The following PCBD2 variants were observed in gnomAD, a reference collection of about 807,000 sequenced individuals.
The protein encoded by PCBD2 is pterin-4-alpha-carbinolamine dehydratase 2.
Under a neutral mutation model 16.4 loss-of-function variants are expected in PCBD2, and 12 were observed. That is an observed-to-expected ratio of 0.73 (90% CI 0.47 to 1.19). The LOEUF (loss-of-function observed/expected upper bound fraction) is 1.19. PCBD2 is among the 50% of genes most tolerant of loss of function. PCBD2 has a pLI of 0.00. For synonymous variants in PCBD2, 58 were observed against 61.8 expected (o/e 0.94, Z 0.29); for missense variants, 138 against 156.8 (o/e 0.88, Z 0.64).
chr5:134,909,275 A>AAG (rs373229462), intron 1 of PCBD2, among the ~76,000 whole-genome samples: 386 of 152,242 alleles, frequency 2.5e-3, no homozygotes, highest in African/African-American at 8.7e-3. Flanking sequence ...GTGCTCTGAG[A>AAG]AGAGGGCTTC....
At chr5:134,928,535 T>C (rs1751050099) in intron 2 of PCBD2, 1 of 275,972 alleles carries the variant, frequency 3.6e-6, no homozygotes, top group Non-Finnish European at 6.7e-6. Context: ...GAGTGAAGGG[T>C]ATTAAGAATG....
intron 2 of PCBD2, among the ~76,000 whole-genome samples, chr5:134,956,539 CAAAGAAA>C (rs1751417390): frequency 6.6e-6 from 1 of 152,186 alleles, no homozygotes; most frequent in Non-Finnish European, 1.5e-5. Context: ...TGACATGGTT[CAAAGAAA>C]TTGTGGCCAC....
intron 1 of PCBD2, among the ~76,000 whole-genome samples, chr5:134,906,464 A>G (rs1404003867): frequency 6.6e-6 from 1 of 151,778 alleles, no homozygotes. Context: ...TCGGCCTCCC[A>G]AAGTGCTGTA....
chr5:134,934,330 A>G (rs903504045), intron 2 of PCBD2, among the ~76,000 whole-genome samples: 2 of 152,170 alleles, frequency 1.3e-5, no homozygotes, highest in African/African-American at 2.4e-5. Flanking sequence ...AATGACCCCA[A>G]AGAACTTTTA....
intron 2 of PCBD2, among the ~76,000 whole-genome samples, chr5:134,943,008 T>C (rs1580890978): frequency 6.6e-6 from 1 of 152,264 alleles, no homozygotes; most frequent in Admixed American, 6.5e-5. Context: ...GTCTTTCTCA[T>C]GGTTTTAGTA....
chr5:134,918,818 G>C (rs569318080), intron 2 of PCBD2, among the ~76,000 whole-genome samples: 2 of 152,186 alleles, frequency 1.3e-5, no homozygotes, highest in Non-Finnish European at 1.5e-5. Context: ...GCAGGACCAC[G>C]CTGATGCTCC....
intron 2 of PCBD2, among the ~76,000 whole-genome samples, chr5:134,939,049 A>G (rs1751193749): frequency 6.6e-6 from 1 of 152,166 alleles, no homozygotes; most frequent in South Asian, 2.1e-4. Context: ...GTTTTCTTAA[A>G]TGTATTATTA....
At chr5:134,937,799 T>C (rs1477373632) in intron 2 of PCBD2, among the ~76,000 whole-genome samples, 1 of 152,262 alleles carries the variant, frequency 6.6e-6, no homozygotes, top group African/African-American at 2.4e-5. Flanking sequence ...ATCACATTTG[T>C]TAAAATGTTA....
At chr5:134,941,926 G>C (rs1279092972) in intron 2 of PCBD2, among the ~76,000 whole-genome samples, 2 of 151,540 alleles carry the variant, frequency 1.3e-5, no homozygotes, top group Non-Finnish European at 2.9e-5. Flanking sequence ...AGACCATCCT[G>C]GCTAACACGG....
At chr5:134,943,397 G>T (rs531732927) in intron 2 of PCBD2, among the ~76,000 whole-genome samples, 40 of 152,020 alleles carry the variant, frequency 2.6e-4, no homozygotes, top group Non-Finnish European at 4.9e-4. Flanking sequence ...AGTGCTTTAG[G>T]ACAAAAAATA....
chr5:134,918,601 G>A (rs1172986084), intron 2 of PCBD2, among the ~76,000 whole-genome samples: 4 of 152,196 alleles, frequency 2.6e-5, no homozygotes, highest in Non-Finnish European at 5.9e-5. Context: ...AAACTCGTAT[G>A]GCTGTCACAC....
intron 1 of PCBD2, among the ~76,000 whole-genome samples, chr5:134,907,460 C>T (rs1037287210): frequency 6.6e-6 from 1 of 151,728 alleles, no homozygotes; most frequent in Non-Finnish European, 1.5e-5. Context: ...CCAGGCTGGC[C>T]TCGAACTCCT....
chr5:134,947,785 T>A (rs192221979), intron 2 of PCBD2, among the ~76,000 whole-genome samples: 13 of 151,952 alleles, frequency 8.6e-5, no homozygotes, highest in South Asian at 4.2e-4. Context: ...GTTTTTTTTT[T>A]ATATAAAGTA....
intron 2 of PCBD2, among the ~76,000 whole-genome samples, chr5:134,929,534 T>C (rs1269576010): frequency 6.6e-6 from 1 of 152,026 alleles, no homozygotes; most frequent in Non-Finnish European, 1.5e-5. Context: ...TTGGTTTCGG[T>C]GGGTGGGGCA....
At chr5:134,947,095 A>ATT in intron 2 of PCBD2, among the ~76,000 whole-genome samples, 1 of 146,776 alleles carries the variant, frequency 6.8e-6, no homozygotes, top group African/African-American at 2.5e-5. Flanking sequence ...AAAAAAAAAA[A>ATT]TTTTTTTTTT....
intron 2 of PCBD2, among the ~76,000 whole-genome samples, chr5:134,942,476 C>T (rs992918620): frequency 2.6e-5 from 4 of 152,054 alleles, no homozygotes; most frequent in Admixed American, 2.6e-4. Context: ...TCTTCTTCAT[C>T]CTAGAACTGA....
intron 2 of PCBD2, among the ~76,000 whole-genome samples, chr5:134,948,701 A>G (rs1348969323): frequency 6.7e-6 from 1 of 149,196 alleles, no homozygotes; most frequent in Non-Finnish European, 1.5e-5. Flanking sequence ...GGCAATTGCC[A>G]AGAATAGTGA....
chr5:134,906,882 C>T (rs1750697692), intron 1 of PCBD2, among the ~76,000 whole-genome samples: 2 of 152,266 alleles, frequency 1.3e-5, no homozygotes, highest in South Asian at 4.1e-4. Flanking sequence ...CCTAGCCTAC[C>T]CCCCATCCCC....
chr5:134,935,597 T>C (rs1456514587), intron 2 of PCBD2, among the ~76,000 whole-genome samples: 1 of 152,242 alleles, frequency 6.6e-6, no homozygotes, highest in Non-Finnish European at 1.5e-5. Context: ...ATGAATTTCT[T>C]TGGTGTCCTC....
Sources: gnomAD v4.1 joint callset for allele counts (sites outside exome capture counted in the v4.1 genomes callset) on GRCh38, gnomAD v4.1.1 for gene constraint, MANE v1.5 for transcripts, NCBI Gene and HGNC (gene_info 2026-07-23, HGNC 2026-07-21) for gene names.